Variants in MYCBPAP observed in about 807,000 individuals in gnomAD.
MYCBPAP encodes MYCBP-associated protein.
In MYCBPAP, 60 loss-of-function variants were observed where a neutral mutation model predicts 106.1. That is an observed-to-expected ratio of 0.57 (90% CI 0.46 to 0.70). The LOEUF is 0.70. Among genes scored for constraint, MYCBPAP ranks in the 30% least tolerant of loss-of-function variants. The pLI is 0.00. For synonymous variants in MYCBPAP, 407 were observed against 440.6 expected (o/e 0.92, Z 0.95); for missense variants, 1,064 against 1,169.3 (o/e 0.91, Z 1.31).
intron 1 of MYCBPAP, chr17:50,509,269 A>G (rs1205021260): frequency 1.2e-5 from 8 of 655,772 alleles, no homozygotes; most frequent in African/African-American, 3.6e-5. Flanking sequence ...TTGCTTGGCT[A>G]GTTCTCTTTT....
Position 50,518,665 on chromosome 17 carries a change from T to C in MYCBPAP, c.593T>C (p.Phe198Ser). 6.2e-7 allele frequency: 1 copy of C among 1,606,782 alleles called. No homozygotes were observed. Among genetic ancestry groups the C allele is most frequent in the Non-Finnish European group, 8.5e-7 (1 of 1,177,822 alleles). The change falls in exon 5 of 19, where the codon TTT (phenylalanine) becomes TCT (serine). Residue 198 changes from phenylalanine to serine, a missense_variant. Phe to Ser is a radical substitution (Grantham distance 155, BLOSUM62 -2). Transcript: ENST00000323776. ...TGGGCCCCACCTCCTCAGCACAACT[T>C]TCTGAAAAACTGGCAGCGTAACACA... Reference protein sequence around the residue: ...PPWAPPPQHNFLKNWQRNTAL... With the variant: ...PPWAPPPQHNSLKNWQRNTAL...
intron 1 of MYCBPAP, among the ~76,000 whole-genome samples, chr17:50,512,722 G>C (rs2033898601): frequency 6.6e-6 from 1 of 152,180 alleles, no homozygotes; most frequent in African/African-American, 2.4e-5. Flanking sequence ...CATCTTTGTA[G>C]TTTATAGCAC....
At chr17:50,508,314 C>A, upstream of MYCBPAP, 1 of 456,448 alleles carries the variant, frequency 2.2e-6, no homozygotes, top group Non-Finnish European at 3.8e-6. Flanking sequence ...GCCAGCCACT[C>A]CCACCCAGCC....
intron 1 of MYCBPAP, chr17:50,509,019 C>A: frequency 1.4e-6 from 1 of 702,764 alleles, no homozygotes; most frequent in South Asian, 1.5e-5. Context: ...GATGGCCTTG[C>A]GCTACCTCTA....
intron 1 of MYCBPAP, among the ~76,000 whole-genome samples, chr17:50,513,219 A>AG (rs35180775): frequency 2.6e-5 from 1 of 38,452 alleles, no homozygotes; most frequent in Admixed American, 2.8e-4. Context: ...ACTCCATCTC[A>AG]AAAAAAAAAA....
At chr17:50,528,414 C>A in intron 16 of MYCBPAP, 144 bp downstream of exon 16, 1 of 816,222 alleles carries the variant, frequency 1.2e-6, no homozygotes, top group Non-Finnish European at 1.9e-6. Flanking sequence ...TTACCCCTTT[C>A]TGTCCGCTGC....
At chr17:50,528,974 C>A in intron 17 of MYCBPAP, 44 bp from the exon 18 acceptor site, 1 of 1,603,472 alleles carries the variant, frequency 6.2e-7, no homozygotes, top group South Asian at 1.1e-5. Context: ...CTTGGCCTAC[C>A]TCTGGAGCTC....
intron 16 of MYCBPAP, 48 bp from the exon 17 acceptor site, chr17:50,528,647 C>G (rs770184401): frequency 3.2e-5 from 51 of 1,596,924 alleles, no homozygotes; most frequent in Admixed American, 5.2e-5. Context: ...GCAGCATCCA[C>G]TAGGCTGTTG....
At position 50,517,406 on chromosome 17, in the gene MYCBPAP, AC is replaced by A; in HGVS notation, c.319del (p.Arg107ValfsTer61). On this transcript the variant is annotated frameshift_variant, in exon 3 of 19. Transcript: ENST00000323776. LOFTEE classifies it high-confidence loss of function. ...GGAGGAAGGTCTGCCACCTTGTAGC[AC>A]GTCCTGCGAATCCTGATGAAGCCAC... ...PRRKVCHLVA[R>X]PANPDEATKP... The A allele has an allele frequency of 6.2e-7, 1 of 1,614,184 alleles. No homozygotes were observed. Among genetic ancestry groups the A allele is most frequent in the Non-Finnish European group, 8.5e-7 (1 of 1,180,032 alleles).
In MYCBPAP at chr17:50,517,691, A is replaced by C. The variant is rs200342927; in HGVS notation, c.461A>C (p.Asn154Thr). The C allele has an allele frequency of 6.2e-7, 1 of 1,614,026 alleles. No individual in the cohort carries two copies. Among genetic ancestry groups the C allele is most frequent in the Admixed American group, 1.7e-5 (1 of 60,014 alleles). Reference sequence around the variant, plus strand: ...AAGAGAATTGCACTTGCTCGAGGGAACACCCAGGTTTGTTTGCACAGAACT... The same window carrying C: ...AAGAGAATTGCACTTGCTCGAGGGACCACCCAGGTTTGTTTGCACAGAACT... ...DFKRIALARG[N>T]TQLAERIPTS... The change falls in exon 4 of 19, where the codon AAC becomes ACC. Residue 154 changes from asparagine (N) to threonine (T), a missense_variant. By Grantham distance (65) the Asn-to-Thr change is moderately conservative (BLOSUM62 0). Coordinates refer to ENST00000323776, the MANE Select transcript of MYCBPAP (RefSeq NM_032133.6).
Position 50,527,377 on chromosome 17 carries a change from C to T in MYCBPAP, c.2260C>T (p.Pro754Ser), listed in dbSNP as rs2034496120. ...AALELCQKPRPLQSNLLHQMC... is the reference protein window; with the variant it reads ...AALELCQKPRSLQSNLLHQMC... ...CCTGGAGCTGTGCCAGAAGCCAAGG[C>T]CATTGCAGTCCAACCTCCTGCACCA... Residue 754 changes from proline to serine, a missense_variant, in exon 15 of 19, where the codon CCA (proline) becomes TCA (serine). Transcript: ENST00000323776. 1.2e-6 allele frequency: 2 copies of T among 1,614,004 alleles called. No homozygotes were observed. The highest frequency in any genetic ancestry group is 1.3e-5 in the African/African-American group (1 of 74,920).
chr17:50,521,052 G>T, intron 7 of MYCBPAP, 58 bp from the exon 8 acceptor site: 1 of 1,377,336 alleles, frequency 7.3e-7, no homozygotes, highest in Non-Finnish European at 1.0e-6. Flanking sequence ...CTTGAGAAGT[G>T]GGTGAGCAAG....
chr17:50,522,871 A>G (rs2034325917), intron 10 of MYCBPAP, 68 bp from the exon 11 acceptor site: 2 of 1,510,336 alleles, frequency 1.3e-6, no homozygotes, highest in Non-Finnish European at 1.8e-6. Context: ...TCCTGGGCAG[A>G]CCAGATGAGT....
intron 1 of MYCBPAP, chr17:50,510,541 T>TG (rs2033809425): frequency 1.0e-5 from 1 of 99,832 alleles, no homozygotes; most frequent in Non-Finnish European, 2.3e-5. Flanking sequence ...ATATATGTAT[T>TG]TTGAGACAGG....
chr17:50,518,869 G>T (rs1484429081), intron 5 of MYCBPAP, 105 bp from the exon 6 acceptor site: 1 of 1,441,130 alleles, frequency 6.9e-7, no homozygotes, highest in East Asian at 2.3e-5. Context: ...AAGCTTCAGT[G>T]GATCCTGAAA....
intron 15 of MYCBPAP, 112 bp from the exon 16 acceptor site, chr17:50,528,043 T>C: frequency 1.2e-6 from 1 of 851,630 alleles, no homozygotes; most frequent in Non-Finnish European, 1.9e-6. Context: ...GGGTGTGGCA[T>C]TTCCACAGCA....
At position 50,518,651 on chromosome 17, in the gene MYCBPAP, T is replaced by C; in HGVS notation, c.579T>C (p.Pro193=). Residue 193 remains proline (P), a synonymous_variant, in exon 5 of 19, where the codon CCT becomes CCC. Coordinates refer to ENST00000323776, the MANE Select transcript of MYCBPAP (RefSeq NM_032133.6). The part of the protein sequence containing the change: ...KEEKRPPWAP[P]PQHNFLKNWQ... The stretch of plus-strand genomic sequence containing the variant: ...AGAAGAGACCTCCCTGGGCCCCACC[T>C]CCTCAGCACAACTTTCTGAAAAACT... 2 of 1,608,882 alleles carry C rather than the reference T, an allele frequency of 1.2e-6. No individual in the cohort carries two copies. Among genetic ancestry groups the C allele is most frequent in the East Asian group, 2.2e-5 (1 of 44,846 alleles).
intron 14 of MYCBPAP, 97 bp from the exon 15 acceptor site, chr17:50,527,190 C>T: frequency 6.5e-7 from 1 of 1,539,956 alleles, no homozygotes; most frequent in Non-Finnish European, 8.8e-7. Flanking sequence ...CCTCCTGGTT[C>T]CTGGTCCCCT....
rs1200691363 is a variant in MYCBPAP at position 50,526,148 on chromosome 17, A to G, written c.2050A>G (p.Ser684Gly). 1.2e-6 allele frequency: 2 copies of G among 1,613,680 alleles called. No homozygotes were observed. The highest frequency in any genetic ancestry group is 2.2e-5 in the East Asian group (1 of 44,856). ...GGGGACCAAGAGTCCTCAGCGGAAGAGCATCATGGAGGAGATCCTGGTGGA... is the reference window on the plus strand; with the variant it reads ...GGGGACCAAGAGTCCTCAGCGGAAGGGCATCATGGAGGAGATCCTGGTGGA... ...RVGTKSPQRKSIMEEILVEES... is the reference protein window; with the variant it reads ...RVGTKSPQRKGIMEEILVEES... The change falls in exon 14 of 19, where the codon AGC becomes GGC. Residue 684 changes from serine (S) to glycine (G), a missense_variant. Ser to Gly is a moderately conservative substitution (Grantham distance 56). Transcript: ENST00000323776.
Sources: allele counts gnomAD v4.1 joint callset (sites outside exome capture counted in the v4.1 genomes callset), GRCh38; gene constraint gnomAD v4.1.1; transcripts MANE v1.5; gene names NCBI Gene and HGNC (gene_info 2026-07-23, HGNC 2026-07-21).